PRTG: variants seen among roughly 807,000 people sequenced by gnomAD.
PRTG encodes the protein immunoglobulin superfamily, DCC subclass, member 5.
In PRTG, 67 loss-of-function variants were observed where a neutral mutation model predicts 122.5. The ratio of observed to expected loss-of-function variants is 0.55; its 90% CI spans 0.45 to 0.67. The LOEUF (loss-of-function observed/expected upper bound fraction) is 0.67, where lower values mean the gene tolerates loss of function less well. PRTG is among the 30% of genes least tolerant of loss of function. The pLI is 0.00. For missense variants in PRTG, 1,435 were observed against 1,415.4 expected (o/e 1.01, Z -0.22); for synonymous variants, 554 against 501.1 (o/e 1.11, Z -1.41).
rs187702993 is a variant in PRTG at position 55,614,692 on chromosome 15, A to C, written c.*5320T>G. ...CACATATTCAGAAACTTTAAAGATA[A>C]ATTGTTTCACAAGTATTTTGGAGAG... On this transcript the variant is annotated 3_prime_UTR_variant, in exon 20 of 20. Transcript: ENST00000389286. The C allele has an allele frequency of 2.1e-3, 326 of 152,296 alleles. 7 individuals carry two copies. Among genetic ancestry groups the C allele is most frequent in the African/African-American group, 7.5e-3 (312 of 41,582 alleles). 9.4% of individuals were successfully genotyped at this position (152,296 alleles called of 1,614,324 possible).
At chr15:55,693,689 T>C (rs1015517031) in intron 2 of PRTG, among the ~76,000 whole-genome samples, 1 of 152,124 alleles carries the variant, frequency 6.6e-6, no homozygotes, top group Non-Finnish European at 1.5e-5. Flanking sequence ...AGCCTCAGTA[T>C]CCCTCAGTAA....
At chr15:55,655,148 C>A (rs978842006) in intron 11 of PRTG, 1 of 152,124 alleles carries the variant, frequency 6.6e-6, no homozygotes, top group South Asian at 2.1e-4. Context: ...GTTACAACAA[C>A]TTATGTAAAC....
chr15:55,689,632 T>TAA (rs5812811), intron 2 of PRTG, among the ~76,000 whole-genome samples: 2,052 of 144,104 alleles, frequency 0.014, 22 homozygotes, highest in Non-Finnish European at 0.023. Flanking sequence ...GAACTTAAAT[T>TAA]AAAAAAAAAA....
intron 2 of PRTG, among the ~76,000 whole-genome samples, chr15:55,734,041 T>C (rs1219024063): frequency 4.6e-5 from 7 of 152,148 alleles, no homozygotes; most frequent in African/African-American, 1.4e-4. Context: ...ACAGTAGAAC[T>C]TTCTTGGTTG....
At chr15:55,634,885 A>C (rs1319505639) in intron 15 of PRTG, among the ~76,000 whole-genome samples, 1 of 151,518 alleles carries the variant, frequency 6.6e-6, no homozygotes, top group Admixed American at 6.6e-5. Flanking sequence ...TGAGGGCCCC[A>C]GTGAATTACA....
In PRTG at chr15:55,619,735, A is replaced by C; in HGVS notation, c.*277T>G. On this transcript the variant is annotated 3_prime_UTR_variant, in exon 20 of 20. Coordinates refer to ENST00000389286, the MANE Select transcript of PRTG (RefSeq NM_173814.6). ...AAATTACACAAGTTTAAAAATAAAA[A>C]ACAAAACACATTCAAAAAAAGCTAA... 2.5e-6 allele frequency: 1 copy of C among 400,736 alleles called. No individual in the cohort carries two copies. The highest frequency in any genetic ancestry group is 5.2e-5 in the South Asian group (1 of 19,360). The allele number at this position is 400,736 out of a possible 1,614,324, so 24.8% of individuals were successfully genotyped here. A position where few individuals can be genotyped will look rare whatever the true frequency, so the allele number is the denominator to read the frequency against.
chr15:55,702,935 G>T, intron 2 of PRTG: 1 of 985,232 alleles, frequency 1.0e-6, no homozygotes, highest in Non-Finnish European at 1.2e-6. Context: ...GCAGACACAT[G>T]TCAGTTCCGG....
At chr15:55,676,486 C>G (rs1209891137) in intron 8 of PRTG, among the ~76,000 whole-genome samples, 4 of 152,110 alleles carry the variant, frequency 2.6e-5, no homozygotes, top group Non-Finnish European at 5.9e-5. Context: ...TCCCTTCTCC[C>G]CACACTGGAT....
At chr15:55,742,529 G>A (rs894727231) in intron 1 of PRTG, 3 of 308,234 alleles carry the variant, frequency 9.7e-6, no homozygotes, top group Non-Finnish European at 1.8e-5. Context: ...ACAATGGCGC[G>A]AGAAGGAAGA....
At position 55,612,156 on chromosome 15, in the gene PRTG, A is replaced by G. The variant is rs1432945320; in HGVS notation, c.*7856T>C. On this transcript the variant is annotated 3_prime_UTR_variant, in exon 20 of 20. Coordinates refer to ENST00000389286, the MANE Select transcript of PRTG (RefSeq NM_173814.6). ...GTGTATTCAGGCTTTGCAATTTCCT[A>G]TTAACAGGCTCAAGTTGCTAATCAT... 2.0e-5 allele frequency: 3 copies of G among 152,130 alleles called. No homozygotes were observed. In the East Asian group the frequency reaches 5.8e-4, roughly 29 times the overall value. The allele number at this position is 152,130 out of a possible 1,614,324, so 9.4% of individuals were successfully genotyped here. A position where few individuals can be genotyped will look rare whatever the true frequency, so the allele number is the denominator to read the frequency against.
chr15:55,682,556 A>T (rs557566036), intron 3 of PRTG, 59 bp from the exon 4 acceptor site: 2 of 458,032 alleles, frequency 4.4e-6, no homozygotes, highest in South Asian at 7.4e-5. Context: ...TTATTTATTT[A>T]TTTATTTATT....
intron 2 of PRTG, among the ~76,000 whole-genome samples, chr15:55,709,591 C>A (rs1020267337): frequency 1.3e-5 from 2 of 151,956 alleles, no homozygotes; most frequent in Admixed American, 6.6e-5. Flanking sequence ...ATATTCCTAA[C>A]AGGTTTATGT....
At position 55,620,783 on chromosome 15, in the gene PRTG, A is replaced by T; in HGVS notation, c.3094-16T>A. The stretch of plus-strand genomic sequence containing the variant: ...CAGTTCCTCCCTGAGGAAATAAAAG[A>T]GGGGAAATGTAAAATATCCTGGTAT... On this transcript the variant is annotated splice_polypyrimidine_tract_variant and intron_variant, in intron 18 of 19. Coordinates refer to ENST00000389286, the MANE Select transcript of PRTG (RefSeq NM_173814.6). 1 of 1,572,554 alleles carries T rather than the reference A, an allele frequency of 6.4e-7. No homozygotes were observed. The highest frequency in any genetic ancestry group is 8.6e-7 in the Non-Finnish European group (1 of 1,162,438).
At chr15:55,724,615 C>T (rs1379000564) in intron 2 of PRTG, among the ~76,000 whole-genome samples, 3 of 151,900 alleles carry the variant, frequency 2.0e-5, no homozygotes, top group East Asian at 1.9e-4. Context: ...AAAAGTTAGC[C>T]AGGTGTGGTG....
Position 55,708,148 on chromosome 15 carries a change from T to TAAAAAAA in PRTG, c.398-24224_398-24218dup, listed in dbSNP as rs35216342. ...CCTGTGGAAAGGAGGAGTAAGCTGGTAAAAAAAAAAAAAAAAAAAAAAAAA... is the reference window on the plus strand; with the variant it reads ...CCTGTGGAAAGGAGGAGTAAGCTGGTAAAAAAAAAAAAAAAAAAAAAAAAAAAAAAAA... On this transcript the variant is annotated intron_variant, in intron 2 of 19. Transcript: ENST00000389286. 2.9e-3 allele frequency among the ~76,000 whole-genome samples: 204 copies of TAAAAAAA among 69,970 alleles called. 36 individuals carry two copies. Among genetic ancestry groups the TAAAAAAA allele is most frequent in the Non-Finnish European group, 3.9e-3 (133 of 34,532 alleles). 45.9% of individuals were successfully genotyped at this position (69,970 alleles called of 152,430 possible). A position where few individuals can be genotyped will look rare whatever the true frequency, so the allele number is the denominator to read the frequency against.
At chr15:55,656,969 A>G (rs2059383755) in intron 11 of PRTG, among the ~76,000 whole-genome samples, 1 of 152,236 alleles carries the variant, frequency 6.6e-6, no homozygotes, top group Admixed American at 6.5e-5. Context: ...TTCTAGAACT[A>G]TCTGGGACTT....
chr15:55,692,387 C>CCAAA (rs1450909799), intron 2 of PRTG, among the ~76,000 whole-genome samples: 2 of 152,104 alleles, frequency 1.3e-5, no homozygotes, highest in African/African-American at 2.4e-5. Flanking sequence ...ACACTGTACA[C>CCAAA]CAAACATCAT....
intron 11 of PRTG, among the ~76,000 whole-genome samples, chr15:55,654,714 T>A (rs1026620985): frequency 2.6e-5 from 4 of 152,204 alleles, no homozygotes; most frequent in African/African-American, 9.7e-5. Flanking sequence ...ACAAACAATA[T>A]TTTTATAGAC....
At position 55,712,748 on chromosome 15, in the gene PRTG, C is replaced by T. The variant is rs368182451; in HGVS notation, c.397+27634G>A. On this transcript the variant is annotated intron_variant, in intron 2 of 19. Coordinates refer to ENST00000389286, the MANE Select transcript of PRTG (RefSeq NM_173814.6). Reference sequence around the variant, plus strand: ...TTTGATCCACAACTTCATGCAAATTCGTTATTTTCAAGATTTGGGAGAAAA... The same window carrying T: ...TTTGATCCACAACTTCATGCAAATTTGTTATTTTCAAGATTTGGGAGAAAA... Among the ~76,000 whole-genome samples, 14 of 152,180 alleles carry T rather than the reference C, an allele frequency of 9.2e-5. No individual in the cohort carries two copies. In the East Asian group the frequency reaches 1.2e-3, roughly 13 times the overall value.
Sources: allele counts gnomAD v4.1 joint callset (sites outside exome capture counted in the v4.1 genomes callset), GRCh38; gene constraint gnomAD v4.1.1; transcripts MANE v1.5; gene names NCBI Gene and HGNC (gene_info 2026-07-23, HGNC 2026-07-21).